Variants in MB21D2 observed in about 807,000 individuals in gnomAD.
The protein encoded by MB21D2 is nucleotidyltransferase MB21D2.
A neutral mutation model predicts 33.3 loss-of-function variants in MB21D2; 9 were observed. The observed-to-expected ratio is 0.27, with a 90% CI of 0.16 to 0.47. The LOEUF is 0.47. Ranked by LOEUF, MB21D2 falls within the 20% of genes least tolerant of loss-of-function variation. The probability of loss-of-function intolerance (pLI) is 0.99; values close to 1 mark genes in which losing one functional copy is unlikely to be tolerated. For missense variants in MB21D2, 540 were observed against 624.6 expected, an observed-to-expected ratio of 0.86 and a Z score of 1.44; for synonymous variants, 241 against 236.3, an observed-to-expected ratio of 1.02 and a Z score of -0.18.
At chr3:192,813,656 C>A (rs1284052653) in intron 1 of MB21D2, among the ~76,000 whole-genome samples, 1 of 152,038 alleles carries the variant, frequency 6.6e-6, no homozygotes, top group Non-Finnish European at 1.5e-5. Context: ...AGGCTCCTAG[C>A]CCTAAGTAAC....
intron 1 of MB21D2, among the ~76,000 whole-genome samples, chr3:192,899,826 T>C (rs1412319911): frequency 6.6e-6 from 1 of 152,112 alleles, no homozygotes; most frequent in Non-Finnish European, 1.5e-5. Context: ...ACCTCGTGTG[T>C]GGTAGTGTGG....
chr3:192,804,472 T>C (rs111698774), intron 1 of MB21D2, among the ~76,000 whole-genome samples: 33 of 151,788 alleles, frequency 2.2e-4, no homozygotes, highest in African/African-American at 6.0e-4. Context: ...CTTACATATG[T>C]TGAAGGGAGA....
At chr3:192,890,072 C>G (rs1196207356) in intron 1 of MB21D2, among the ~76,000 whole-genome samples, 1 of 152,014 alleles carries the variant, frequency 6.6e-6, no homozygotes, top group African/African-American at 2.4e-5. Context: ...TATTTATTCC[C>G]AGAATAACAG....
intron 1 of MB21D2, among the ~76,000 whole-genome samples, chr3:192,803,862 C>A (rs73060233): frequency 0.023 from 3,517 of 152,190 alleles, 104 homozygotes; most frequent in African/African-American, 0.065. Context: ...TGAGTGGGAA[C>A]AGAAGGAAGA....
At chr3:192,803,707 G>A (rs1034352606) in intron 1 of MB21D2, among the ~76,000 whole-genome samples, 3 of 152,198 alleles carry the variant, frequency 2.0e-5, no homozygotes, top group African/African-American at 7.2e-5. Context: ...AGACAGAGGA[G>A]GGAAAATTTT....
chr3:192,905,834 AAAG>A (rs1714205309), intron 1 of MB21D2, among the ~76,000 whole-genome samples: 1 of 151,966 alleles, frequency 6.6e-6, no homozygotes, highest in Non-Finnish European at 1.5e-5. Flanking sequence ...CCTGTCTCAA[AAAG>A]AAGAAAAAGA....
At chr3:192,911,647 TG>T (rs1330980366) in intron 1 of MB21D2, among the ~76,000 whole-genome samples, 11 of 151,738 alleles carry the variant, frequency 7.2e-5, no homozygotes, top group Non-Finnish European at 1.5e-5. Context: ...TCAGCCTAAC[TG>T]TGAGCAATGT....
chr3:192,853,414 G>A (rs1193744435), intron 1 of MB21D2, among the ~76,000 whole-genome samples: 2 of 152,156 alleles, frequency 1.3e-5, no homozygotes, highest in African/African-American at 4.8e-5. Flanking sequence ...TGCAGTTTCA[G>A]CTCACCACAG....
At chr3:192,815,820 C>T (rs2108614171) in intron 1 of MB21D2, among the ~76,000 whole-genome samples, 1 of 152,270 alleles carries the variant, frequency 6.6e-6, no homozygotes, top group South Asian at 2.1e-4. Context: ...CCGTATCTTC[C>T]TCTACCCATC....
In MB21D2 at chr3:192,798,548, G is replaced by A. The variant is rs1720571457; in HGVS notation, c.1314C>T (p.Pro438=). Residue 438 remains proline, a synonymous_variant, in exon 2 of 2, where the codon CCC becomes CCT. Coordinates refer to ENST00000392452, the MANE Select transcript of MB21D2 (RefSeq NM_178496.4). This position sits in a 1 kb window ranked among gnomAD's most constrained non-coding sequence, Gnocchi z 4.8. Reference sequence around the variant, plus strand: ...GGTCCCCTCCGTCAGACTGTGGAGAGGGGATGCTGGTGGTGCTACCTCGCC... The same window carrying A: ...GGTCCCCTCCGTCAGACTGTGGAGAAGGGATGCTGGTGGTGCTACCTCGCC... ...LQRRGSTTSI[P]SPQSDGGDPN... The A allele has an allele frequency of 3.1e-6, 5 of 1,614,212 alleles. No individual in the cohort carries two copies. The East Asian group carries it at 1.1e-4, about 36-fold the overall frequency.
At chr3:192,914,916 A>C (rs1438568706) in intron 1 of MB21D2, among the ~76,000 whole-genome samples, 1 of 152,120 alleles carries the variant, frequency 6.6e-6, no homozygotes, top group East Asian at 1.9e-4. Context: ...ATTCCTCCAA[A>C]CTAGACAAAA....
At chr3:192,884,614 G>T (rs533854155) in intron 1 of MB21D2, among the ~76,000 whole-genome samples, 44 of 152,066 alleles carry the variant, frequency 2.9e-4, no homozygotes, top group African/African-American at 1.0e-3. Context: ...TGATCTGCCC[G>T]CCTTGGCCTC....
At chr3:192,802,903 T>C (rs1448047892) in intron 1 of MB21D2, among the ~76,000 whole-genome samples, 1 of 152,234 alleles carries the variant, frequency 6.6e-6, no homozygotes, top group Non-Finnish European at 1.5e-5. Flanking sequence ...TAAAGTGATA[T>C]TGTTATTTGA....
intron 1 of MB21D2, among the ~76,000 whole-genome samples, chr3:192,815,809 C>T (rs1577170528): frequency 1.3e-5 from 2 of 152,262 alleles, no homozygotes; most frequent in Admixed American, 1.3e-4. Context: ...TTTTTCAGGG[C>T]CCGTATCTTC....
intron 1 of MB21D2, among the ~76,000 whole-genome samples, chr3:192,833,846 C>T (rs141335796): frequency 1.3e-3 from 198 of 152,310 alleles, no homozygotes; most frequent in African/African-American, 4.4e-3. Context: ...ACTTCACCCT[C>T]TTCTCCTTCT....
Position 192,797,298 on chromosome 3 carries a change from G to A in MB21D2, c.*1088C>T, listed in dbSNP as rs1720542823. On this transcript the variant is annotated 3_prime_UTR_variant, in exon 2 of 2. Coordinates refer to ENST00000392452, the MANE Select transcript of MB21D2 (RefSeq NM_178496.4). The stretch of plus-strand genomic sequence containing the variant: ...TGCCAGTTTTTCTCAAAACTCTCAG[G>A]AAGAGTAGAGATTTTACAAAAAAGC... 6.6e-6 allele frequency: 1 copy of A among 152,564 alleles called. No homozygotes were observed. Among genetic ancestry groups the A allele is most frequent in the Non-Finnish European group, 1.5e-5 (1 of 68,044 alleles). 9.5% of individuals were successfully genotyped at this position (152,564 alleles called of 1,614,324 possible).
chr3:192,880,554 G>A (rs933092528), intron 1 of MB21D2, among the ~76,000 whole-genome samples: 3 of 152,016 alleles, frequency 2.0e-5, no homozygotes, highest in African/African-American at 7.3e-5. Flanking sequence ...CTCCAACCTT[G>A]CCTGTCACCA....
chr3:192,828,269 G>A (rs576363646), intron 1 of MB21D2, among the ~76,000 whole-genome samples: 21 of 151,902 alleles, frequency 1.4e-4, no homozygotes, highest in Non-Finnish European at 2.6e-4. Flanking sequence ...CAAATTATAG[G>A]TCAACAGCCC....
chr3:192,863,079 G>C (rs895826052), intron 1 of MB21D2, among the ~76,000 whole-genome samples: 1 of 152,198 alleles, frequency 6.6e-6, no homozygotes, highest in Non-Finnish European at 1.5e-5. Flanking sequence ...TTCAATGTAT[G>C]AATTTTGAGG....
Sources: gnomAD v4.1 joint callset for allele counts (sites outside exome capture counted in the v4.1 genomes callset) on GRCh38, gnomAD v4.1.1 for gene constraint, Gnocchi (gnomAD v3.1) non-coding constraint, MANE v1.5 for transcripts, NCBI Gene and HGNC (gene_info 2026-07-23, HGNC 2026-07-21) for gene names.